The following LRP1B variants were observed in gnomAD, a reference collection of about 807,000 sequenced individuals.
LRP1B encodes the protein low-density lipoprotein receptor-related protein 1B.
In LRP1B, 217 loss-of-function variants were observed where a neutral mutation model predicts 556.6. The ratio of observed to expected loss-of-function variants is 0.39; its 90% CI spans 0.35 to 0.44. LRP1B has a LOEUF of 0.44. LRP1B is among the 20% of genes least tolerant of loss of function. The pLI is 1.00. For synonymous variants in LRP1B, 2,047 were observed against 1,865.8 expected, an observed-to-expected ratio of 1.10 and a Z score of -2.50; for missense variants, 5,053 against 5,620.8, an observed-to-expected ratio of 0.90 and a Z score of 3.23.
intron 43 of LRP1B, among the ~76,000 whole-genome samples, chr2:140,556,224 G>T (rs1285510492): frequency 1.3e-5 from 2 of 151,998 alleles, no homozygotes; most frequent in African/African-American, 4.8e-5. Context: ...AGCCATAAAT[G>T]AATTATCTAG....
rs548842773 is a variant in LRP1B, at chr2:142,030,047, A to AC, written c.82+100600_82+100601insG. Among the ~76,000 whole-genome samples, 9 of 151,878 alleles carry AC rather than the reference A, an allele frequency of 5.9e-5. 1 individual carries two copies. In the South Asian group the frequency reaches 1.2e-3, roughly 21 times the overall value. ...TGTGTCCTTTTTAGGAAAAAAAAAA[A>AC]AACTCTGCAAGTTGCTTGTATATTT... On this transcript the variant is annotated intron_variant, in intron 1 of 90. Coordinates refer to ENST00000389484, the MANE Select transcript of LRP1B (RefSeq NM_018557.3).
intron 3 of LRP1B, among the ~76,000 whole-genome samples, chr2:141,440,490 G>T (rs181475399): frequency 6.6e-6 from 1 of 152,188 alleles, no homozygotes; most frequent in Admixed American, 6.5e-5. Context: ...CAGCAACCAG[G>T]GTATCCGGGC....
intron 2 of LRP1B, among the ~76,000 whole-genome samples, chr2:141,783,356 A>C (rs1479242780): frequency 6.6e-6 from 1 of 152,090 alleles, no homozygotes; most frequent in East Asian, 1.9e-4. Flanking sequence ...AAGAAGAAAT[A>C]ATTCAATAGT....
At chr2:141,500,088 C>T (rs929804506) in intron 2 of LRP1B, among the ~76,000 whole-genome samples, 5 of 152,038 alleles carry the variant, frequency 3.3e-5, no homozygotes, top group African/African-American at 1.2e-4. Context: ...GCTCTTTTCT[C>T]CTGTATTAGG....
At chr2:140,530,027 T>C (rs1003796181) in intron 47 of LRP1B, among the ~76,000 whole-genome samples, 2 of 152,076 alleles carry the variant, frequency 1.3e-5, no homozygotes, top group Admixed American at 1.3e-4. Flanking sequence ...CAACACCCTT[T>C]CTACTCTGTA....
intron 82 of LRP1B, among the ~76,000 whole-genome samples, chr2:140,320,267 ATCAATTCATCTTT>A (rs1350152876): frequency 2.6e-5 from 4 of 151,328 alleles, no homozygotes; most frequent in Non-Finnish European, 5.9e-5. Flanking sequence ...TATCTTATTC[ATCAATTCATCTTT>A]TCAAACGCTT....
intron 10 of LRP1B, among the ~76,000 whole-genome samples, chr2:141,051,100 T>G (rs769148490): frequency 6.6e-6 from 1 of 152,072 alleles, no homozygotes; most frequent in Non-Finnish European, 1.5e-5. Context: ...CCAGTCAAAA[T>G]GGCAATTATT....
chr2:141,591,073 G>A (rs761162691), intron 2 of LRP1B, among the ~76,000 whole-genome samples: 3 of 152,154 alleles, frequency 2.0e-5, no homozygotes, highest in African/African-American at 4.8e-5. Context: ...CTGTAATTAT[G>A]AGATAATTTA....
intron 2 of LRP1B, among the ~76,000 whole-genome samples, chr2:141,722,729 CATAG>C (rs58081113): frequency 0.24 from 34,428 of 145,890 alleles, 4,119 homozygotes; most frequent in South Asian, 0.33. Context: ...CAGATAGATA[CATAG>C]ATAGATAGAT....
chr2:141,895,984 G>C (rs1411095766), intron 1 of LRP1B, among the ~76,000 whole-genome samples: 4 of 59,608 alleles, frequency 6.7e-5, no homozygotes, highest in Non-Finnish European at 1.5e-4. Context: ...TTTTGGATTG[G>C]ATAACAACAA....
At chr2:140,822,035 T>C (rs1691347844) in intron 31 of LRP1B, among the ~76,000 whole-genome samples, 2 of 151,498 alleles carry the variant, frequency 1.3e-5, no homozygotes, top group African/African-American at 2.4e-5. Context: ...AGGGGAAACA[T>C]CAAAGAAATA....
chr2:141,882,418 C>T (rs1698986369), intron 1 of LRP1B, among the ~76,000 whole-genome samples: 1 of 152,136 alleles, frequency 6.6e-6, no homozygotes, highest in Admixed American at 6.6e-5. Context: ...ACATTAGTCC[C>T]AAATCCATGA....
At chr2:141,569,378 G>A (rs569249339) in intron 2 of LRP1B, among the ~76,000 whole-genome samples, 8 of 150,596 alleles carry the variant, frequency 5.3e-5, no homozygotes, top group Non-Finnish European at 1.0e-4. Flanking sequence ...CATTCCAGTT[G>A]AGAAAAAAAA....
At chr2:141,116,054 T>C (rs888450288) in intron 7 of LRP1B, among the ~76,000 whole-genome samples, 1 of 152,134 alleles carries the variant, frequency 6.6e-6, no homozygotes, top group African/African-American at 2.4e-5. Flanking sequence ...GAGAGTTTTC[T>C]TTTTTCCTGT....
intron 7 of LRP1B, among the ~76,000 whole-genome samples, chr2:141,145,262 T>C (rs59791085): frequency 0.019 from 2,959 of 152,228 alleles, 88 homozygotes; most frequent in African/African-American, 0.068. Flanking sequence ...ACTGAAAATA[T>C]ATCGCTTTTA....
intron 7 of LRP1B, among the ~76,000 whole-genome samples, chr2:141,162,790 CAAAA>C (rs1558903087): frequency 3.9e-5 from 6 of 152,094 alleles, no homozygotes; most frequent in African/African-American, 1.2e-4. Context: ...GTGAAGTTCA[CAAAA>C]TATATTAACA....
intron 1 of LRP1B, among the ~76,000 whole-genome samples, chr2:141,877,133 G>A (rs1005149813): frequency 7.9e-5 from 12 of 151,966 alleles, no homozygotes; most frequent in Non-Finnish European, 1.6e-4. Flanking sequence ...TATCTAACAT[G>A]TAATCAAAGT....
At chr2:140,546,349 G>A (rs1343857487) in intron 43 of LRP1B, among the ~76,000 whole-genome samples, 1 of 152,042 alleles carries the variant, frequency 6.6e-6, no homozygotes, top group Non-Finnish European at 1.5e-5. Context: ...GGGCATCCTT[G>A]TTGTATTAGT....
chr2:141,172,942 C>G (rs555847714), intron 7 of LRP1B, among the ~76,000 whole-genome samples: 1 of 151,980 alleles, frequency 6.6e-6, no homozygotes, highest in African/African-American at 2.4e-5. Context: ...TCCCTTATTT[C>G]CAATTATCCA....
Sources: allele counts gnomAD v4.1 joint callset (sites outside exome capture counted in the v4.1 genomes callset), GRCh38; gene constraint gnomAD v4.1.1; transcripts MANE v1.5; gene names NCBI Gene and HGNC (gene_info 2026-07-23, HGNC 2026-07-21).